The following DOK5 variants were observed in gnomAD, a reference collection of about 807,000 sequenced individuals.
DOK5 encodes the protein docking protein 5.
Under a neutral mutation model 43.3 loss-of-function variants are expected in DOK5, and 27 were observed. That is an observed-to-expected ratio of 0.62 (90% CI 0.46 to 0.86). The LOEUF is 0.86. DOK5 is among the 40% of genes least tolerant of loss of function. The pLI, the probability that DOK5 is intolerant of heterozygous loss-of-function variation, is 0.00. For missense variants in DOK5, 373 were observed against 392.9 expected, an observed-to-expected ratio of 0.95 and a Z score of 0.43; for synonymous variants, 146 against 140.1, an observed-to-expected ratio of 1.04 and a Z score of -0.30.
intron 2 of DOK5, among the ~76,000 whole-genome samples, chr20:54,581,513 T>G (rs1003370760): frequency 1.3e-5 from 2 of 151,956 alleles, no homozygotes; most frequent in African/African-American, 4.8e-5. Context: ...TCTTTCAATC[T>G]ATGAAAACAG....
intron 1 of DOK5, among the ~76,000 whole-genome samples, chr20:54,501,241 G>A (rs1367353220): frequency 6.6e-6 from 1 of 151,934 alleles, no homozygotes; most frequent in African/African-American, 2.4e-5. Context: ...GCCAAGGCGG[G>A]TGGATCAGGA....
chr20:54,506,635 A>G (rs1054004665), intron 1 of DOK5, among the ~76,000 whole-genome samples: 1 of 152,052 alleles, frequency 6.6e-6, no homozygotes, highest in Non-Finnish European at 1.5e-5. Flanking sequence ...AATTTTTACA[A>G]ACTTCTTGTA....
chr20:54,533,357 C>T lies in DOK5; in HGVS notation c.67-21576C>T, dbSNP rs1983845808. On this transcript the variant is annotated intron_variant, in intron 1 of 7. Coordinates refer to ENST00000262593, the MANE Select transcript of DOK5 (RefSeq NM_018431.5). ...AAGCATAAAGGAATAGTATTCTTCA[C>T]CTATAGTCCTGTGTCATTGCTATAT... 2.0e-5 allele frequency among the ~76,000 whole-genome samples: 3 copies of T among 152,134 alleles called. No individual in the cohort carries two copies. In the South Asian group the frequency reaches 6.2e-4, roughly 32 times the overall value.
chr20:54,531,164 A>G (rs6098048), intron 1 of DOK5, among the ~76,000 whole-genome samples: 3,628 of 152,304 alleles, frequency 0.024, 145 homozygotes, highest in African/African-American at 0.082. Flanking sequence ...GTGGTCCATC[A>G]TGAATGTCTG....
intron 5 of DOK5, among the ~76,000 whole-genome samples, chr20:54,595,246 CAGG>C (rs1986104337): frequency 1.3e-5 from 2 of 152,062 alleles, no homozygotes; most frequent in South Asian, 4.2e-4. Flanking sequence ...GAGGCTGAGG[CAGG>C]AGAATGCGTG....
At position 54,510,256 on chromosome 20, in the gene DOK5, C is replaced by A. The variant is rs551640287; in HGVS notation, c.66+34244C>A. ...CCTTCCTTGGTTAAGCAAACTCACC[C>A]TAGAAGGGGCTGTTTATCCACAAAT... On this transcript the variant is annotated intron_variant, in intron 1 of 7. Coordinates refer to ENST00000262593, the MANE Select transcript of DOK5 (RefSeq NM_018431.5). Among the ~76,000 whole-genome samples, 3 of 152,244 alleles carry A rather than the reference C, an allele frequency of 2.0e-5. No individual in the cohort carries two copies. The South Asian group carries it at 6.2e-4, about 32-fold the overall frequency.
chr20:54,547,717 C>G (rs542617755), intron 1 of DOK5, among the ~76,000 whole-genome samples: 1 of 152,270 alleles, frequency 6.6e-6, no homozygotes, highest in South Asian at 2.1e-4. Flanking sequence ...AAAATCACCA[C>G]CACCAACAAC....
intron 6 of DOK5, among the ~76,000 whole-genome samples, chr20:54,610,737 A>G (rs928344903): frequency 2.6e-5 from 4 of 152,076 alleles, no homozygotes; most frequent in African/African-American, 9.7e-5. Flanking sequence ...CTACTTTACA[A>G]CTCAATCGTA....
chr20:54,552,109 T>G (rs1984549384), intron 1 of DOK5, among the ~76,000 whole-genome samples: 1 of 152,250 alleles, frequency 6.6e-6, no homozygotes, highest in African/African-American at 2.4e-5. Flanking sequence ...ATTACAGGCA[T>G]GAGCCACCTT....
chr20:54,582,596 A>T (rs1985677619), intron 2 of DOK5, among the ~76,000 whole-genome samples: 1 of 151,658 alleles, frequency 6.6e-6, no homozygotes. Flanking sequence ...CTATTTCTTC[A>T]TGATTCAGTC....
intron 1 of DOK5, among the ~76,000 whole-genome samples, chr20:54,500,441 T>G (rs1982551611): frequency 6.6e-6 from 1 of 152,092 alleles, no homozygotes; most frequent in Non-Finnish European, 1.5e-5. Context: ...AATATGAACC[T>G]ACTGCCCCAA....
intron 1 of DOK5, among the ~76,000 whole-genome samples, chr20:54,552,124 A>G (rs755784535): frequency 6.6e-6 from 1 of 152,224 alleles, no homozygotes; most frequent in Non-Finnish European, 1.5e-5. Context: ...CACCTTGCCC[A>G]GCCATACAGT....
intron 7 of DOK5, among the ~76,000 whole-genome samples, 177 bp from the exon 8 acceptor site, chr20:54,650,238 A>G (rs1979635500): frequency 6.6e-6 from 1 of 152,250 alleles, no homozygotes; most frequent in Non-Finnish European, 1.5e-5. Context: ...CATGCAAATG[A>G]TACGTAAATC....
intron 1 of DOK5, among the ~76,000 whole-genome samples, chr20:54,544,993 G>A (rs1480297661): frequency 1.3e-5 from 2 of 152,082 alleles, no homozygotes; most frequent in Non-Finnish European, 2.9e-5. Flanking sequence ...CTAACCTGGT[G>A]GTCTTTCATA....
chr20:54,615,548 G>A (rs907168628), intron 6 of DOK5, among the ~76,000 whole-genome samples: 4 of 152,094 alleles, frequency 2.6e-5, no homozygotes, highest in South Asian at 2.1e-4. Context: ...AAAATGCCAC[G>A]CAGCTGGCTT....
chr20:54,554,483 TCA>T (rs747503795), intron 1 of DOK5, among the ~76,000 whole-genome samples: 21 of 152,192 alleles, frequency 1.4e-4, no homozygotes, highest in Admixed American at 3.3e-4. Context: ...GTCCAACTCT[TCA>T]CCATCCATTA....
rs760613987 is a variant in DOK5 at position 54,588,531 on chromosome 20, A to T, written c.223A>T (p.Thr75Ser). Reference sequence around the variant, plus strand: ...GAACGTAGCTCGATTGCCAAAAAGCACCAAGAAACATGCCATAGGGATTTA... The same window carrying T: ...GAACGTAGCTCGATTGCCAAAAAGCTCCAAGAAACATGCCATAGGGATTTA... ...VKNVARLPKSTKKHAIGIYFN... is the reference protein window; with the variant it reads ...VKNVARLPKSSKKHAIGIYFN... The change falls in exon 3 of 8, where the codon ACC (threonine) becomes TCC (serine). Residue 75 changes from threonine (T) to serine (S), a missense_variant. Coordinates refer to ENST00000262593, the MANE Select transcript of DOK5 (RefSeq NM_018431.5). The T allele has an allele frequency of 1.2e-6, 2 of 1,614,076 alleles. No homozygotes were observed. Among genetic ancestry groups the T allele is most frequent in the Non-Finnish European group, 1.7e-6 (2 of 1,180,018 alleles).
At chr20:54,597,514 C>G (rs1986179785) in intron 5 of DOK5, among the ~76,000 whole-genome samples, 1 of 152,168 alleles carries the variant, frequency 6.6e-6, no homozygotes, top group African/African-American at 2.4e-5. Context: ...GGCTCATTAC[C>G]TCATTTGAGC....
chr20:54,495,912 T>C (rs1224034720), intron 1 of DOK5, among the ~76,000 whole-genome samples: 1 of 152,104 alleles, frequency 6.6e-6, no homozygotes, highest in Admixed American at 6.6e-5. Flanking sequence ...AGAAGTACAT[T>C]TCCCAGGCTT....
Sources: gnomAD v4.1 joint callset for allele counts (sites outside exome capture counted in the v4.1 genomes callset) on GRCh38, gnomAD v4.1.1 for gene constraint, MANE v1.5 for transcripts, NCBI Gene and HGNC (gene_info 2026-07-23, HGNC 2026-07-21) for gene names.